The following TJP1 variants were observed in gnomAD, a reference collection of about 807,000 sequenced individuals.
TJP1 encodes tight junction protein ZO-1.
TJP1 carries 43 observed loss-of-function variants against 194.2 expected under a neutral mutation model. The ratio of observed to expected loss-of-function variants is 0.22; its 90% CI spans 0.17 to 0.29. The LOEUF is 0.29. TJP1 is among the 10% of genes least tolerant of loss of function. TJP1 has a pLI of 1.00. For synonymous variants in TJP1, 801 were observed against 779.0 expected, an observed-to-expected ratio of 1.03 and a Z score of -0.47; for missense variants, 1,971 against 2,185.7, an observed-to-expected ratio of 0.90 and a Z score of 1.96.
At chr15:29,763,282 G>GAA (rs2046123799) in intron 5 of TJP1, among the ~76,000 whole-genome samples, 1 of 152,146 alleles carries the variant, frequency 6.6e-6, no homozygotes, top group Admixed American at 6.5e-5. Context: ...AACAGCTGCA[G>GAA]AAAAACATAT....
intron 2 of TJP1, among the ~76,000 whole-genome samples, chr15:29,874,644 T>C (rs1224881190): frequency 6.6e-6 from 1 of 152,220 alleles, no homozygotes; most frequent in Non-Finnish European, 1.5e-5. Context: ...TGAAATTCTC[T>C]AAGTCCAGAA....
chr15:29,959,224 C>T (rs979516728), intron 1 of TJP1, among the ~76,000 whole-genome samples: 1 of 151,280 alleles, frequency 6.6e-6, no homozygotes, highest in African/African-American at 2.4e-5. Context: ...CTCCTGACCT[C>T]GTGATCTGCC....
intron 10 of TJP1, among the ~76,000 whole-genome samples, chr15:29,738,534 C>T (rs1208274799): frequency 1.3e-5 from 2 of 152,028 alleles, no homozygotes; most frequent in African/African-American, 4.8e-5. Flanking sequence ...AAAGTAAGAG[C>T]CTGAGAAATC....
At chr15:29,822,627 G>A (rs370239954), upstream of TJP1, 1 of 340,018 alleles carries the variant, frequency 2.9e-6, no homozygotes. Context: ...AGGAAAAGCC[G>A]GGTAACCCAA....
At chr15:29,808,717 T>C (rs959363355) in intron 1 of TJP1, among the ~76,000 whole-genome samples, 22 of 152,118 alleles carry the variant, frequency 1.4e-4, no homozygotes, top group African/African-American at 5.3e-4. Context: ...ATCAAAATAG[T>C]AGATGAAGGA....
At chr15:29,756,694 C>T (rs1240905195) in intron 8 of TJP1, among the ~76,000 whole-genome samples, 3 of 152,098 alleles carry the variant, frequency 2.0e-5, no homozygotes, top group African/African-American at 7.2e-5. Context: ...AACAATGGAA[C>T]GCTGGTAGAT....
At chr15:29,879,671 A>T (rs1404862997) in intron 2 of TJP1, among the ~76,000 whole-genome samples, 1 of 151,970 alleles carries the variant, frequency 6.6e-6, no homozygotes, top group African/African-American at 2.4e-5. Context: ...GAATTGTGAC[A>T]TCAGGTGTGT....
chr15:29,710,957 C>T lies in TJP1; in HGVS notation c.4246G>A (p.Glu1416Lys), dbSNP rs762812538. ...EADGVDRSFGEKRYEPIQATP... is the reference protein window; with the variant it reads ...EADGVDRSFGKKRYEPIQATP... Reference sequence around the variant, plus strand: ...GCCTGGATGGGTTCATAGCGTTTCTCGCCAAATGATCTATCCACACCATCA... The same window carrying T: ...GCCTGGATGGGTTCATAGCGTTTCTTGCCAAATGATCTATCCACACCATCA... Residue 1416 changes from glutamate to lysine, a missense_variant, in exon 24 of 28, where the codon GAG (glutamate) becomes AAG (lysine). Physicochemically the swap from Glu to Lys is moderately conservative, Grantham distance 56. Coordinates refer to ENST00000614355, the MANE Select transcript of TJP1 (RefSeq NM_001330239.4). The T allele has an allele frequency of 1.9e-5, 31 of 1,613,876 alleles. No homozygotes were observed. In the East Asian group the frequency reaches 4.2e-4, roughly 22 times the overall value.
At chr15:29,802,651 T>C (rs2048863741) in intron 1 of TJP1, among the ~76,000 whole-genome samples, 1 of 151,772 alleles carries the variant, frequency 6.6e-6, no homozygotes. Flanking sequence ...AACAATAGTA[T>C]GAGTAAATCA....
chr15:29,846,376 C>T (rs2051409037), intron 2 of TJP1, among the ~76,000 whole-genome samples: 1 of 152,156 alleles, frequency 6.6e-6, no homozygotes, highest in African/African-American at 2.4e-5. Flanking sequence ...TCATTGCCTT[C>T]TCCACCAGTG....
intron 23 of TJP1, among the ~76,000 whole-genome samples, chr15:29,713,733 G>A (rs958967668): frequency 5.3e-5 from 8 of 152,084 alleles, no homozygotes; most frequent in Admixed American, 2.0e-4. Flanking sequence ...TACCCTCTTA[G>A]TTATCTTCCA....
chr15:29,752,000 C>A (rs2045314968), intron 8 of TJP1, among the ~76,000 whole-genome samples: 1 of 152,146 alleles, frequency 6.6e-6, no homozygotes, highest in Admixed American at 6.5e-5. Flanking sequence ...TCATGGCACA[C>A]TGCAGCCTCA....
chr15:29,770,634 C>T (rs2151619862), intron 4 of TJP1, among the ~76,000 whole-genome samples: 1 of 150,770 alleles, frequency 6.6e-6, no homozygotes, highest in Admixed American at 6.6e-5. Context: ...GAGCCAAGAT[C>T]GCGCCACTGC....
In TJP1 at chr15:29,701,612, G is replaced by C; in HGVS notation, c.5290C>G (p.Leu1764Val). Residue 1764 changes from leucine to valine, a missense_variant, in exon 28 of 28, where the codon CTT becomes GTT. Around this residue, in one of 5 missense-constraint regions of TJP1, gnomAD observed 1,108 missense variants for 1,128.5 expected, o/e 0.98. Coordinates refer to ENST00000614355, the MANE Select transcript of TJP1 (RefSeq NM_001330239.4). The stretch of plus-strand genomic sequence containing the variant: ...TTCAAGAGTTAAAAGTGGTCAATAA[G>C]GACAGAAACACAGTTTGCTCCAACG... Reference protein sequence around the residue: ...YLVGANCVSVLIDHF With the variant: ...YLVGANCVSVVIDHF The C allele has an allele frequency of 1.2e-6, 2 of 1,613,834 alleles. No individual in the cohort carries two copies. The highest frequency in any genetic ancestry group is 1.7e-6 in the Non-Finnish European group (2 of 1,179,814).
chr15:29,875,826 A>C (rs2052678713), intron 2 of TJP1, among the ~76,000 whole-genome samples: 1 of 152,110 alleles, frequency 6.6e-6, no homozygotes, highest in Admixed American at 6.5e-5. Context: ...GGCCTCCCAA[A>C]GTGCTGGGAT....
intron 8 of TJP1, among the ~76,000 whole-genome samples, chr15:29,758,032 T>A (rs903540292): frequency 2.6e-5 from 4 of 152,240 alleles, no homozygotes; most frequent in African/African-American, 9.6e-5. Context: ...ACAGTAAATG[T>A]ATTTTCTCTT....
At chr15:29,799,014 A>C (rs557591924) in intron 2 of TJP1, among the ~76,000 whole-genome samples, 25 of 152,200 alleles carry the variant, frequency 1.6e-4, no homozygotes, top group Non-Finnish European at 3.2e-4. Context: ...GGGATGATTA[A>C]AAATAGGTGT....
chr15:29,849,382 C>T (rs1250837399), intron 2 of TJP1, among the ~76,000 whole-genome samples: 2 of 151,666 alleles, frequency 1.3e-5, no homozygotes, highest in Admixed American at 6.6e-5. Context: ...CACCCCGCAC[C>T]CCCCACTGTT....
chr15:29,831,495 A>G (rs1596063770), intron 2 of TJP1, among the ~76,000 whole-genome samples: 2 of 152,342 alleles, frequency 1.3e-5, no homozygotes, highest in South Asian at 2.1e-4. Flanking sequence ...GGAAGGAGGT[A>G]CAAGTTAAAT....
Sources: allele counts gnomAD v4.1 joint callset (sites outside exome capture counted in the v4.1 genomes callset), GRCh38; gene constraint gnomAD v4.1.1; regional missense constraint gnomAD v4.1.1; transcripts MANE v1.5; gene names NCBI Gene and HGNC (gene_info 2026-07-23, HGNC 2026-07-21).